The following ANGPT2 variants were observed in gnomAD, a reference collection of about 807,000 sequenced individuals.
The protein encoded by ANGPT2 is angiopoietin 2.
In ANGPT2, 28 loss-of-function variants were observed where a neutral mutation model predicts 62.9. That is an observed-to-expected ratio of 0.44 (90% CI 0.33 to 0.61). The LOEUF is 0.61. Ranked by LOEUF, ANGPT2 falls within the 20% of genes least tolerant of loss-of-function variation. The probability of loss-of-function intolerance (pLI) is 0.03; values close to 1 mark genes in which losing one functional copy is unlikely to be tolerated. For synonymous variants in ANGPT2, 284 were observed against 207.8 expected, an observed-to-expected ratio of 1.37 and a Z score of -3.15; for missense variants, 727 against 594.9, an observed-to-expected ratio of 1.22 and a Z score of -2.31.
At chr8:6,562,167 G>C (rs949601133) in intron 1 of ANGPT2, among the ~76,000 whole-genome samples, 13 of 152,156 alleles carry the variant, frequency 8.5e-5, no homozygotes, top group Non-Finnish European at 1.5e-4. Flanking sequence ...CAGGAAATTG[G>C]TAAAGCACTT....
chr8:6,505,359 AT>A (rs1282336137), intron 8 of ANGPT2, among the ~76,000 whole-genome samples: 1 of 82,298 alleles, frequency 1.2e-5, no homozygotes, highest in Non-Finnish European at 2.3e-5. Flanking sequence ...TTCTTTCTAT[AT>A]GTATATAGAA....
At chr8:6,558,130 G>A (rs1287670107) in intron 1 of ANGPT2, among the ~76,000 whole-genome samples, 1 of 152,098 alleles carries the variant, frequency 6.6e-6, no homozygotes, top group East Asian at 1.9e-4. Flanking sequence ...TTTGGGCCAG[G>A]AAAGATCCTG....
At chr8:6,509,764 CATCATAG>C (rs1285012425) in intron 7 of ANGPT2, among the ~76,000 whole-genome samples, 1 of 152,184 alleles carries the variant, frequency 6.6e-6, no homozygotes, top group Non-Finnish European at 1.5e-5. Context: ...ACCTTTGGAG[CATCATAG>C]CTTAGCTCTA....
chr8:6,521,517 T>A, intron 3 of ANGPT2, 107 bp from the exon 4 acceptor site: 1 of 830,564 alleles, frequency 1.2e-6, no homozygotes, highest in Non-Finnish European at 1.8e-6. Flanking sequence ...ATTGTAGTGG[T>A]TATAAAGTAA....
intron 1 of ANGPT2, among the ~76,000 whole-genome samples, chr8:6,534,457 C>G (rs1011578695): frequency 1.3e-5 from 2 of 152,136 alleles, no homozygotes; most frequent in Admixed American, 6.5e-5. Context: ...GACAGTTGTA[C>G]TAGAGCTCCA....
At position 6,507,161 on chromosome 8, in the gene ANGPT2, G is replaced by C. The variant is rs531183639; in HGVS notation, c.1327+1771C>G. Among the ~76,000 whole-genome samples, 80 of 152,266 alleles carry C rather than the reference G, an allele frequency of 5.3e-4. 1 individual carries two copies. Among genetic ancestry groups the C allele is most frequent in the Admixed American group, 1.9e-3 (29 of 15,294 alleles). On this transcript the variant is annotated intron_variant, in intron 8 of 8. Transcript: ENST00000629816. ...GATCCATCCACCTTGGCCTCCCAAA[G>C]TGCTGGGATTACAAGCGGGGGCCAC...
intron 4 of ANGPT2, among the ~76,000 whole-genome samples, chr8:6,520,900 A>G (rs1047674565): frequency 6.6e-6 from 1 of 152,216 alleles, no homozygotes; most frequent in Admixed American, 6.5e-5. Flanking sequence ...GTGGTTTAGT[A>G]ATTTGCCCAG....
chr8:6,527,506 C>G, intron 3 of ANGPT2, 49 bp downstream of exon 3: 2 of 1,586,734 alleles, frequency 1.3e-6, no homozygotes, highest in Non-Finnish European at 8.6e-7. Flanking sequence ...ACTTTCATAT[C>G]TGGAAAGTGT....
intron 3 of ANGPT2, among the ~76,000 whole-genome samples, chr8:6,526,757 A>C (rs1345482134): frequency 1.3e-5 from 2 of 152,198 alleles, no homozygotes; most frequent in African/African-American, 4.8e-5. Context: ...GCCATGTTCC[A>C]TGTTGTATAT....
rs1813373147 is a variant in ANGPT2 at position 6,505,494 on chromosome 8, T to TG, written c.1328-2234_1328-2233insC. On this transcript the variant is annotated intron_variant, in intron 8 of 8. Transcript: ENST00000629816. ...TTACATATATAGAATATATATATTCTTTATATATGTATATATAGAATATAT... is the reference window on the plus strand; with the variant it reads ...TTACATATATAGAATATATATATTCTGTTATATATGTATATATAGAATATAT... 2.8e-3 allele frequency among the ~76,000 whole-genome samples: 13 copies of TG among 4,614 alleles called. 1 individual carries two copies. The highest frequency in any genetic ancestry group is 4.4e-3 in the Admixed American group (1 of 228). 3.0% of individuals were successfully genotyped at this position (4,614 alleles called of 152,430 possible).
At chr8:6,538,910 G>C (rs1820992772) in intron 1 of ANGPT2, among the ~76,000 whole-genome samples, 1 of 152,200 alleles carries the variant, frequency 6.6e-6, no homozygotes, top group Admixed American at 6.5e-5. Context: ...CTATTTGGGA[G>C]GCTTTTGACC....
At chr8:6,508,553 C>G (rs1814264084) in intron 8 of ANGPT2, 1 of 342,718 alleles carries the variant, frequency 2.9e-6, no homozygotes, top group Non-Finnish European at 5.2e-6. Flanking sequence ...TTTCTATAAT[C>G]TATATTACTG....
At chr8:6,556,376 C>A (rs1177990905) in intron 1 of ANGPT2, among the ~76,000 whole-genome samples, 1 of 152,006 alleles carries the variant, frequency 6.6e-6, no homozygotes, top group Non-Finnish European at 1.5e-5. Context: ...GAATAGCAAC[C>A]ATTGAGAAAT....
At chr8:6,548,087 C>T (rs2442592) in intron 1 of ANGPT2, among the ~76,000 whole-genome samples, 100,097 of 151,860 alleles carry the variant, frequency 0.66, 35,153 homozygotes, top group Non-Finnish European at 0.78. Flanking sequence ...TCCCCCCTAG[C>T]GGAAGAACCT....
chr8:6,505,170 C>T (rs1386747139), intron 8 of ANGPT2, among the ~76,000 whole-genome samples: 1 of 31,486 alleles, frequency 3.2e-5, no homozygotes, highest in Non-Finnish European at 7.9e-5. Context: ...AACTCTATGC[C>T]AAAGAATATA....
intron 8 of ANGPT2, among the ~76,000 whole-genome samples, chr8:6,503,624 A>G (rs1812642488): frequency 6.6e-6 from 1 of 152,208 alleles, no homozygotes; most frequent in Non-Finnish European, 1.5e-5. Flanking sequence ...AACCAGGATT[A>G]CTTTGCAGTC....
chr8:6,536,908 G>A (rs1411943929), intron 1 of ANGPT2, among the ~76,000 whole-genome samples: 1 of 134,306 alleles, frequency 7.4e-6, no homozygotes, highest in Non-Finnish European at 1.6e-5. Flanking sequence ...CTGAAACCCA[G>A]AAATATAGAA....
intron 3 of ANGPT2, among the ~76,000 whole-genome samples, chr8:6,524,284 C>A (rs1447525875): frequency 6.6e-6 from 1 of 152,166 alleles, no homozygotes; most frequent in African/African-American, 2.4e-5. Flanking sequence ...GAATTATTTT[C>A]TGTCTACTAA....
chr8:6,552,827 T>A (rs80044447), intron 1 of ANGPT2, among the ~76,000 whole-genome samples: 1 of 151,792 alleles, frequency 6.6e-6, no homozygotes, highest in Non-Finnish European at 1.5e-5. Flanking sequence ...TTTTTTTTTT[T>A]AACTCACTCA....
Sources: gnomAD v4.1 joint callset for allele counts (sites outside exome capture counted in the v4.1 genomes callset) on GRCh38, gnomAD v4.1.1 for gene constraint, MANE v1.5 for transcripts, NCBI Gene and HGNC (gene_info 2026-07-23, HGNC 2026-07-21) for gene names.